The following ROR1 variants were observed in gnomAD, a reference collection of about 807,000 sequenced individuals.
The protein encoded by ROR1 is ROR family WNT receptor 1.
In ROR1, 19 loss-of-function variants were observed where a neutral mutation model predicts 78.8. The observed-to-expected ratio is 0.24, with a 90% CI of 0.17 to 0.35. The LOEUF (loss-of-function observed/expected upper bound fraction) is 0.35, where lower values mean the gene tolerates loss of function less well. Among genes scored for constraint, ROR1 ranks in the 10% least tolerant of loss-of-function variants. The pLI is 1.00. For synonymous variants in ROR1, 386 were observed against 433.6 expected (o/e 0.89, Z 1.36); for missense variants, 917 against 1,177.8 (o/e 0.78, Z 3.24).
chr1:64,160,966 A>G (rs1649922559), intron 8 of ROR1, among the ~76,000 whole-genome samples: 1 of 152,224 alleles, frequency 6.6e-6, no homozygotes, highest in African/African-American at 2.4e-5. Context: ...TTTAGAAATT[A>G]TCAATTTTGT....
chr1:63,963,333 C>T (rs895474349), intron 1 of ROR1, among the ~76,000 whole-genome samples: 15 of 145,802 alleles, frequency 1.0e-4, no homozygotes, highest in African/African-American at 3.8e-4. Flanking sequence ...TTTAGGAGGC[C>T]GAGGTGGGTG....
rs577223521 is a variant in ROR1 at position 63,962,397 on chromosome 1, G to A, written c.92-46908G>A. On this transcript the variant is annotated intron_variant, in intron 1 of 8. Transcript: ENST00000371079. The stretch of plus-strand genomic sequence containing the variant: ...GTTATTACAATGTGCCAAGCACTGA[G>A]AATACGGAGATGAAAGACATAAGCT... Among the ~76,000 whole-genome samples, 3 of 152,354 alleles carry A rather than the reference G, an allele frequency of 2.0e-5. No individual in the cohort carries two copies. The East Asian group carries it at 5.8e-4, about 29-fold the overall frequency.
intron 1 of ROR1, among the ~76,000 whole-genome samples, chr1:63,901,272 G>A (rs1346504844): frequency 6.6e-6 from 1 of 152,198 alleles, no homozygotes; most frequent in Non-Finnish European, 1.5e-5. Context: ...GGCCAGCAGA[G>A]CTCTATCCTG....
chr1:63,865,181 G>C (rs1645207528), intron 1 of ROR1, among the ~76,000 whole-genome samples: 1 of 152,042 alleles, frequency 6.6e-6, no homozygotes, highest in Non-Finnish European at 1.5e-5. Flanking sequence ...TGGTAGTTTT[G>C]TTATTTGTAT....
intron 8 of ROR1, among the ~76,000 whole-genome samples, chr1:64,165,172 T>G (rs978969420): frequency 6.6e-6 from 1 of 152,170 alleles, no homozygotes; most frequent in African/African-American, 2.4e-5. Flanking sequence ...TATTTTAGGT[T>G]TCCACAATGG....
intron 4 of ROR1, among the ~76,000 whole-genome samples, chr1:64,121,183 C>CCTTT (rs1393842146): frequency 6.8e-6 from 1 of 146,578 alleles, no homozygotes. Context: ...TCCCTTCCTT[C>CCTTT]CTTTCTTCCT....
intron 2 of ROR1, among the ~76,000 whole-genome samples, chr1:64,010,152 C>T (rs746438369): frequency 1.2e-4 from 18 of 152,130 alleles, no homozygotes; most frequent in South Asian, 2.1e-4. Context: ...TGCAAGGCAA[C>T]AAATTACTTC....
chr1:64,136,813 A>G (rs1649119627), intron 4 of ROR1, among the ~76,000 whole-genome samples: 1 of 152,068 alleles, frequency 6.6e-6, no homozygotes. Flanking sequence ...TCTCCAGACT[A>G]TGGTTTGCCC....
chr1:63,920,369 G>A (rs1209997821), intron 1 of ROR1, among the ~76,000 whole-genome samples: 2 of 152,194 alleles, frequency 1.3e-5, no homozygotes, highest in African/African-American at 4.8e-5. Flanking sequence ...TAGCAGGAAG[G>A]CGTCTCATAG....
At chr1:63,967,404 A>G (rs1374090305) in intron 1 of ROR1, among the ~76,000 whole-genome samples, 1 of 152,130 alleles carries the variant, frequency 6.6e-6, no homozygotes, top group African/African-American at 2.4e-5. Context: ...ACTTTTTTAA[A>G]TTTGGAAATG....
At chr1:63,896,723 T>C (rs1317630517) in intron 1 of ROR1, among the ~76,000 whole-genome samples, 1 of 151,838 alleles carries the variant, frequency 6.6e-6, no homozygotes, top group Non-Finnish European at 1.5e-5. Flanking sequence ...TCACTGAAAA[T>C]GTAGACTCGT....
chr1:63,844,146 T>C (rs1472421656), intron 1 of ROR1, among the ~76,000 whole-genome samples: 1 of 152,198 alleles, frequency 6.6e-6, no homozygotes, highest in Non-Finnish European at 1.5e-5. Flanking sequence ...ACCTCATGGG[T>C]TGGTGAGGAA....
chr1:64,129,532 C>T (rs1433148413), intron 4 of ROR1, among the ~76,000 whole-genome samples: 1 of 152,176 alleles, frequency 6.6e-6, no homozygotes, highest in African/African-American at 2.4e-5. Context: ...AACTCGGGGA[C>T]TCCAAGTGTC....
At chr1:64,003,547 C>A (rs1479175144) in intron 1 of ROR1, among the ~76,000 whole-genome samples, 1 of 152,166 alleles carries the variant, frequency 6.6e-6, no homozygotes, top group Admixed American at 6.5e-5. Flanking sequence ...TCCTGACTAT[C>A]CCATATAGGA....
intron 4 of ROR1, among the ~76,000 whole-genome samples, chr1:64,097,070 A>T (rs1306542062): frequency 1.3e-5 from 2 of 152,180 alleles, no homozygotes; most frequent in Non-Finnish European, 2.9e-5. Flanking sequence ...TGGCTACTCT[A>T]AAAAAGTAGC....
chr1:64,094,224 C>A (rs1481622012), intron 4 of ROR1, among the ~76,000 whole-genome samples: 1 of 152,128 alleles, frequency 6.6e-6, no homozygotes, highest in Non-Finnish European at 1.5e-5. Flanking sequence ...CATGTTTTGC[C>A]TTTAACAAAC....
intron 1 of ROR1, among the ~76,000 whole-genome samples, chr1:63,809,917 A>G (rs1229810687): frequency 6.6e-6 from 1 of 152,214 alleles, no homozygotes; most frequent in Non-Finnish European, 1.5e-5. Flanking sequence ...ATGAAATTCA[A>G]TTCTGTGGAA....
intron 4 of ROR1, among the ~76,000 whole-genome samples, chr1:64,051,455 T>TAAA (rs369511325): frequency 1.8e-4 from 7 of 39,194 alleles, no homozygotes; most frequent in African/African-American, 3.1e-4. Flanking sequence ...GTCTCAAAAA[T>TAAA]AAAAAATAAA....
At chr1:63,909,314 A>T (rs1163315285) in intron 1 of ROR1, among the ~76,000 whole-genome samples, 1 of 152,228 alleles carries the variant, frequency 6.6e-6, no homozygotes, top group Non-Finnish European at 1.5e-5. Flanking sequence ...GTACTTACAA[A>T]CAAAAATTCA....
Sources: gnomAD v4.1 joint callset for allele counts (sites outside exome capture counted in the v4.1 genomes callset) on GRCh38, gnomAD v4.1.1 for gene constraint, MANE v1.5 for transcripts, NCBI Gene and HGNC (gene_info 2026-07-23, HGNC 2026-07-21) for gene names.